RANBP2: variants seen among roughly 807,000 people sequenced by gnomAD.
RANBP2 encodes E3 SUMO-protein ligase RanBP2.
A neutral mutation model predicts 303.6 loss-of-function variants in RANBP2; 57 were observed. The observed-to-expected ratio is 0.19, with a 90% confidence interval of 0.15 to 0.23. RANBP2 has a LOEUF of 0.23. Ranked by LOEUF, RANBP2 falls within the 10% of genes least tolerant of loss-of-function variation. The pLI is 1.00. For missense variants in RANBP2, 3,138 were observed against 3,780.8 expected (o/e 0.83, Z 4.46); for synonymous variants, 1,167 against 1,301.5 (o/e 0.90, Z 2.23).
At chr2:108,819,176 T>C in the RANBP2 span, among the ~76,000 whole-genome samples, 725 of 152,296 alleles carry the variant, frequency 4.8e-3, 5 homozygotes, top group African/African-American at 0.016. Flanking sequence ...GTGAGAATTA[T>C]AGAGACCAGT....
At chr2:108,962,107 A>C in the RANBP2 span, among the ~76,000 whole-genome samples, 1 of 152,168 alleles carries the variant, frequency 6.6e-6, no homozygotes, top group African/African-American at 2.4e-5. Context: ...TCCAAGTGAG[A>C]CTGTGAACTC....
the RANBP2 span, among the ~76,000 whole-genome samples, chr2:109,351,825 G>A: frequency 7.1e-4 from 108 of 152,322 alleles, no homozygotes; most frequent in African/African-American, 2.4e-3. Flanking sequence ...TCTCACCCTC[G>A]ATTTGTCCTG....
At chr2:109,494,455 G>A in the RANBP2 span, among the ~76,000 whole-genome samples, 2 of 152,196 alleles carry the variant, frequency 1.3e-5, no homozygotes, top group African/African-American at 4.8e-5. Context: ...GCAGGTCGGA[G>A]CTGAGGGCAT....
At chr2:108,795,007 A>G in the RANBP2 span, among the ~76,000 whole-genome samples, 1 of 151,900 alleles carries the variant, frequency 6.6e-6, no homozygotes, top group Non-Finnish European at 1.5e-5. Context: ...AAAATCTGAT[A>G]AAGTATGGTT....
chr2:109,699,693 G>A, the RANBP2 span, among the ~76,000 whole-genome samples: 215 of 152,282 alleles, frequency 1.4e-3, no homozygotes, highest in South Asian at 9.5e-3. Context: ...CTCAAGGGTG[G>A]CAGAGGCCGA....
chr2:109,709,273 T>G, the RANBP2 span, among the ~76,000 whole-genome samples: 1 of 146,278 alleles, frequency 6.8e-6, no homozygotes, highest in Non-Finnish European at 1.5e-5. Flanking sequence ...ACCATTGCGC[T>G]CCAGCCTGGG....
chr2:109,539,424 G>A, the RANBP2 span, among the ~76,000 whole-genome samples: 24 of 152,262 alleles, frequency 1.6e-4, no homozygotes, highest in South Asian at 4.8e-3. Context: ...CGTGTACCTT[G>A]AAGTCAACCC....
chr2:108,796,454 G>A, the RANBP2 span, among the ~76,000 whole-genome samples: 4 of 152,124 alleles, frequency 2.6e-5, no homozygotes, highest in Admixed American at 6.6e-5. Context: ...TAGAACTACC[G>A]TATGATCCAG....
At chr2:109,766,279 G>A in the RANBP2 span, among the ~76,000 whole-genome samples, 1 of 151,160 alleles carries the variant, frequency 6.6e-6, no homozygotes, top group Non-Finnish European at 1.5e-5. Flanking sequence ...GCCTGGAGGA[G>A]GCAGGGGGCC....
the RANBP2 span, among the ~76,000 whole-genome samples, chr2:109,482,659 T>G: frequency 6.6e-6 from 1 of 152,236 alleles, no homozygotes; most frequent in African/African-American, 2.4e-5. Flanking sequence ...GTAATAATCC[T>G]GATGCCCAGG....
chr2:108,746,819 A>C (rs1696553103), intron 8 of RANBP2, 21 bp downstream of exon 8: 1 of 629,298 alleles, frequency 1.6e-6, no homozygotes, highest in Admixed American at 2.9e-5. Context: ...TATTAAACTA[A>C]TTTAATTTAA....
At chr2:109,444,186 A>C in the RANBP2 span, among the ~76,000 whole-genome samples, 1 of 152,278 alleles carries the variant, frequency 6.6e-6, no homozygotes, top group Admixed American at 6.5e-5. Flanking sequence ...GGGATATTAT[A>C]ACGCATTTTG....
the RANBP2 span, among the ~76,000 whole-genome samples, chr2:108,987,572 A>G: frequency 1.3e-5 from 2 of 152,362 alleles, no homozygotes; most frequent in South Asian, 4.1e-4. Context: ...AGTGAAAATC[A>G]AGCATTTCAG....
At chr2:109,066,583 G>A in the RANBP2 span, among the ~76,000 whole-genome samples, 1 of 152,124 alleles carries the variant, frequency 6.6e-6, no homozygotes, top group Non-Finnish European at 1.5e-5. Context: ...GTTGGTGTCC[G>A]CTGCCCACAG....
the RANBP2 span, among the ~76,000 whole-genome samples, chr2:109,199,593 GGA>G: frequency 6.1e-3 from 2 of 330 alleles, no homozygotes; most frequent in Non-Finnish European, 0.012. Flanking sequence ...GGAATGGAAT[GGA>G]ATGGAATGGA....
At chr2:109,238,593 A>C in the RANBP2 span, among the ~76,000 whole-genome samples, 1 of 151,770 alleles carries the variant, frequency 6.6e-6, no homozygotes, top group Admixed American at 6.6e-5. Flanking sequence ...ACATTTTTTC[A>C]GGAATTCTTT....
chr2:108,890,759 A>G, the RANBP2 span, among the ~76,000 whole-genome samples: 1 of 152,156 alleles, frequency 6.6e-6, no homozygotes, highest in Admixed American at 6.5e-5. Flanking sequence ...TAAATTTTCT[A>G]ACCTTTTCTC....
the RANBP2 span, chr2:109,491,012 A>C: frequency 2.3e-6 from 3 of 1,330,410 alleles, no homozygotes; most frequent in South Asian, 5.5e-5. Context: ...TTCGGGGAGC[A>C]GGGACACTGT....
the RANBP2 span, chr2:108,897,076 T>C: frequency 5.0e-6 from 8 of 1,614,192 alleles, no homozygotes; most frequent in Non-Finnish European, 6.8e-6. Flanking sequence ...TTGCATGCCG[T>C]CTGTCATGCC....
Sources: gnomAD v4.1 joint callset for allele counts (sites outside exome capture counted in the v4.1 genomes callset) on GRCh38, gnomAD v4.1.1 for gene constraint, MANE v1.5 for transcripts, NCBI Gene and HGNC (gene_info 2026-07-23, HGNC 2026-07-21) for gene names.